F13B: variants seen among roughly 807,000 people sequenced by gnomAD.
The protein encoded by F13B is TGase.
F13B carries 58 observed loss-of-function variants against 79.8 expected under a neutral mutation model. That is an observed-to-expected ratio of 0.73 (90% confidence interval 0.59 to 0.90). The LOEUF is 0.90. Ranked by LOEUF, F13B falls within the 40% of genes least tolerant of loss-of-function variation. F13B has a pLI of 0.00. For synonymous variants in F13B, 283 were observed against 260.3 expected (o/e 1.09, Z -0.84); for missense variants, 773 against 777.0 (o/e 0.99, Z 0.06).
At position 197,060,429 on chromosome 1, in the gene F13B, TTAGA is replaced by T; in HGVS notation, c.738_741del (p.Tyr246Ter). ...TAGCATTGAATTAAATCAGATCCAC[TTAGA>T]TAATAATTTTCATGACAGAAAAACT... is the stretch of plus-strand genomic sequence containing the variant. On this transcript the variant is annotated frameshift_variant, in exon 5 of 12. Coordinates refer to ENST00000367412, the MANE Select transcript of F13B (RefSeq NM_001994.3). LOFTEE classifies it high-confidence loss of function. 1 of 1,611,998 alleles carries T rather than the reference TTAGA, an allele frequency of 6.2e-7. No individual in the cohort carries two copies.
At chr1:197,046,688 G>C (rs1655245761) in intron 10 of F13B, among the ~76,000 whole-genome samples, 1 of 152,172 alleles carries the variant, frequency 6.6e-6, no homozygotes, top group African/African-American at 2.4e-5. Flanking sequence ...AACCAAAAAA[G>C]AGCCCGCATT....
At chr1:197,047,955 A>C (rs1299786108) in intron 10 of F13B, among the ~76,000 whole-genome samples, 1 of 152,144 alleles carries the variant, frequency 6.6e-6, no homozygotes, top group Non-Finnish European at 1.5e-5. Flanking sequence ...ACACATGGAC[A>C]CAGGGCAGGG....
At chr1:197,048,434 G>C (rs972667836) in intron 10 of F13B, among the ~76,000 whole-genome samples, 2 of 151,762 alleles carry the variant, frequency 1.3e-5, no homozygotes, top group Non-Finnish European at 2.9e-5. Flanking sequence ...TTAAGGGATG[G>C]AAAAATGTGT....
Position 197,061,820 on chromosome 1 carries a change from C to T in F13B, c.415G>A (p.Gly139Arg), listed in dbSNP as rs368129885. 19 of 1,613,266 alleles carry T rather than the reference C, an allele frequency of 1.2e-5. No homozygotes were observed. In the African/African-American group the frequency reaches 2.3e-4, roughly 19 times the overall value. ...DEEVVQCLSD[G>R]WSSQPTCRKE... ...CTACAGGTTGGTTGAGAAGACCATC[C>T]ATCAGAGAGACATTGAACCACTTCT... Residue 139 changes from glycine to arginine, a missense_variant, in exon 3 of 12, where the codon GGA (glycine) becomes AGA (arginine). Transcript: ENST00000367412.
chr1:197,052,746 TA>T lies in F13B; in HGVS notation c.1442del (p.Leu481Ter). ...KYEGKVLHGDLIDFVCKQGYD... is the reference protein window; with the variant it reads ...KYEGKVLHGDXIDFVCKQGYD... ...ATCCCTGTTTACATACAAAATCTAT[TA>T]AATCTCCATGTAAGACTTTCCCTTC... On this transcript the variant is annotated frameshift_variant, in exon 9 of 12. Transcript: ENST00000367412. LOFTEE classifies it high-confidence loss of function. 3 of 1,611,010 alleles carry T rather than the reference TA, an allele frequency of 1.9e-6. No individual in the cohort carries two copies. Among genetic ancestry groups the T allele is most frequent in the Non-Finnish European group, 2.5e-6 (3 of 1,178,106 alleles).
Position 197,040,504 on chromosome 1 carries a change from A to G in F13B, c.1952+18T>C, listed in dbSNP as rs772757666. 5.0e-6 allele frequency: 8 copies of G among 1,597,440 alleles called. No homozygotes were observed. The African/African-American group carries it at 1.1e-4, about 21-fold the overall frequency. Reference sequence around the variant, plus strand: ...TGACCAAAAAAAATAATCTGACCAAAAAAAAAAAACTTCTTACCTTTGTCT... The same window carrying G: ...TGACCAAAAAAAATAATCTGACCAAGAAAAAAAAACTTCTTACCTTTGTCT... On this transcript the variant is annotated intron_variant, in intron 11 of 11. Transcript: ENST00000367412.
chr1:197,060,376 A>T lies in F13B; in HGVS notation c.795T>A (p.Pro265=). ...CYNFGWYPES[P]VCEGRRNRCP... is the part of the protein sequence containing the mutation. Reference sequence around the variant, plus strand: ...AATTTAAAAATTTACCTTCGCATACAGGAGATTCTGGGTACCAACCAAAGT... The same window carrying T: ...AATTTAAAAATTTACCTTCGCATACTGGAGATTCTGGGTACCAACCAAAGT... The change falls in exon 5 of 12, where the codon CCT becomes CCA. Residue 265 remains proline (P), a synonymous_variant. Transcript: ENST00000367412. The T allele has an allele frequency of 6.2e-7, 1 of 1,611,718 alleles. No homozygotes were observed. The highest frequency in any genetic ancestry group is 1.1e-5 in the South Asian group (1 of 90,996).
chr1:197,054,839 T>C (rs532794611), intron 8 of F13B, among the ~76,000 whole-genome samples: 11 of 152,018 alleles, frequency 7.2e-5, no homozygotes, highest in Non-Finnish European at 1.2e-4. Context: ...AACTTTCTGA[T>C]AGACAATTTG....
In F13B at chr1:197,038,812, C is replaced by T. The variant is rs1020625841; in HGVS notation, c.*566G>A. On this transcript the variant is annotated 3_prime_UTR_variant, in exon 12 of 12. Coordinates refer to ENST00000367412, the MANE Select transcript of F13B (RefSeq NM_001994.3). ...GAGCACATGTTCAAATATGGTAGTA[C>T]ACCACCTCATAAACAATTTGGTTAT... Among the ~76,000 whole-genome samples, 1 of 152,010 alleles carries T rather than the reference C, an allele frequency of 6.6e-6. No homozygotes were observed.
chr1:197,039,161 CAA>C lies in F13B; in HGVS notation c.*215_*216del, dbSNP rs1654946660. On this transcript the variant is annotated 3_prime_UTR_variant, in exon 12 of 12. Transcript: ENST00000367412. ...TAATTTGTAACAGATGGAAGACATA[CAA>C]AAGAGATTAAGTTCTACATCAAATC... is the stretch of plus-strand genomic sequence containing the variant. 7.8e-6 allele frequency: 4 copies of C among 511,478 alleles called. No individual in the cohort carries two copies. Among genetic ancestry groups the C allele is most frequent in the Admixed American group, 6.7e-5 (2 of 29,924 alleles). The allele number at this position is 511,478 out of a possible 1,614,324, so 31.7% of individuals were successfully genotyped here.
intron 5 of F13B, among the ~76,000 whole-genome samples, chr1:197,059,758 G>A (rs779095627): frequency 2.6e-5 from 4 of 152,036 alleles, no homozygotes; most frequent in South Asian, 2.1e-4. Context: ...TCTTCTGCTA[G>A]TATAGGACCC....
At chr1:197,064,563 C>T (rs995856398) in intron 1 of F13B, among the ~76,000 whole-genome samples, 4 of 151,976 alleles carry the variant, frequency 2.6e-5, no homozygotes, top group African/African-American at 7.3e-5. Flanking sequence ...ACAAACTAAT[C>T]CATGATAATA....
chr1:197,043,122 C>G (rs1221623849), intron 10 of F13B, among the ~76,000 whole-genome samples: 26 of 151,924 alleles, frequency 1.7e-4, no homozygotes, highest in Non-Finnish European at 2.9e-5. Flanking sequence ...GGATGAGAAG[C>G]CAAGCAGAAA....
chr1:197,059,569 CT>C (rs1655773178), intron 5 of F13B, among the ~76,000 whole-genome samples: 1 of 152,196 alleles, frequency 6.6e-6, no homozygotes, highest in Non-Finnish European at 1.5e-5. Context: ...AATTCTCAAA[CT>C]GCTACTTATC....
rs1655492683 is a variant in F13B at position 197,052,718 on chromosome 1, C to T, written c.1471G>A (p.Asp491Asn). The change falls in exon 9 of 12, where the codon GAC becomes AAC. Residue 491 changes from aspartate (D) to asparagine (N), a missense_variant. Asp to Asn is a conservative substitution (Grantham distance 23). Transcript: ENST00000367412. The part of the protein sequence containing the change: ...LIDFVCKQGY[D>N]LSPLTPLSEL... ...GACAATGGGGTTAATGGAGATAAGTCATATCCCTGTTTACATACAAAATCT... is the reference window on the plus strand; with the variant it reads ...GACAATGGGGTTAATGGAGATAAGTTATATCCCTGTTTACATACAAAATCT... The T allele has an allele frequency of 1.2e-6, 2 of 1,611,934 alleles. No individual in the cohort carries two copies. Among genetic ancestry groups the T allele is most frequent in the Admixed American group, 1.7e-5 (1 of 59,834 alleles).
intron 10 of F13B, among the ~76,000 whole-genome samples, chr1:197,050,155 C>CAGTACAATGA (rs1474247420): frequency 2.0e-5 from 3 of 151,902 alleles, no homozygotes; most frequent in Admixed American, 2.0e-4. Flanking sequence ...AAGTCCTAGC[C>CAGTACAATGA]AGTGAAAGAA....
intron 7 of F13B, 23 bp downstream of exon 7, chr1:197,056,990 G>C (rs1655663489): frequency 1.2e-6 from 2 of 1,608,392 alleles, no homozygotes; most frequent in South Asian, 2.2e-5. Context: ...TTTAGCTACT[G>C]ATGGTAAATG....
At chr1:197,054,023 C>A (rs1393887440) in intron 8 of F13B, among the ~76,000 whole-genome samples, 1 of 151,996 alleles carries the variant, frequency 6.6e-6, no homozygotes, top group Admixed American at 6.6e-5. Context: ...AGAGAAAATT[C>A]TATGCTTTAT....
intron 8 of F13B, among the ~76,000 whole-genome samples, chr1:197,053,643 T>C (rs974074446): frequency 6.6e-6 from 1 of 151,974 alleles, no homozygotes; most frequent in Non-Finnish European, 1.5e-5. Flanking sequence ...ACAGTGGCCA[T>C]CTTTAAACTA....
Sources: allele counts gnomAD v4.1 joint callset (sites outside exome capture counted in the v4.1 genomes callset), GRCh38; gene constraint gnomAD v4.1.1; transcripts MANE v1.5; gene names NCBI Gene and HGNC (gene_info 2026-07-23, HGNC 2026-07-21).